Variants in RHAG observed in about 807,000 individuals in gnomAD.
RHAG encodes ammonium transporter Rh type A.
RHAG carries 25 observed loss-of-function variants against 42.4 expected under a neutral mutation model. The observed-to-expected ratio is 0.59, with a 90% CI of 0.43 to 0.82. The LOEUF is 0.82. Ranked by LOEUF, RHAG falls within the 40% of genes least tolerant of loss-of-function variation. RHAG has a pLI of 0.00. For synonymous variants in RHAG, 182 were observed against 177.7 expected (o/e 1.02, Z -0.19); for missense variants, 483 against 504.6 (o/e 0.96, Z 0.41).
intron 5 of RHAG, among the ~76,000 whole-genome samples, chr6:49,613,625 G>C (rs1048844155): frequency 6.6e-6 from 1 of 152,134 alleles, no homozygotes; most frequent in African/African-American, 2.4e-5. Flanking sequence ...AGCTAGAAGG[G>C]TAGACTGGCT....
In RHAG at chr6:49,618,232, A is replaced by G; in HGVS notation, c.342-14T>C. On this transcript the variant is annotated splice_polypyrimidine_tract_variant and intron_variant, in intron 2 of 9. Transcript: ENST00000371175. ...GCATTTATCATGCTGAAGGGAAACAAGAATAAATTGAAGAGTAATGCACAC... is the reference window on the plus strand; with the variant it reads ...GCATTTATCATGCTGAAGGGAAACAGGAATAAATTGAAGAGTAATGCACAC... 1 of 1,614,116 alleles carries G rather than the reference A, an allele frequency of 6.2e-7. No individual in the cohort carries two copies. Among genetic ancestry groups the G allele is most frequent in the Non-Finnish European group, 8.5e-7 (1 of 1,179,988 alleles).
At chr6:49,610,745 C>G (rs1762558502) in intron 7 of RHAG, among the ~76,000 whole-genome samples, 1 of 152,198 alleles carries the variant, frequency 6.6e-6, no homozygotes, top group South Asian at 2.1e-4. Flanking sequence ...TATAATCTGA[C>G]TGTGATTATC....
chr6:49,628,615 GGTGA>G (rs1408087951), intron 1 of RHAG, among the ~76,000 whole-genome samples: 1 of 151,834 alleles, frequency 6.6e-6, no homozygotes, highest in South Asian at 2.1e-4. Flanking sequence ...AGACCTTCGC[GGTGA>G]GTATTACAGC....
intron 7 of RHAG, among the ~76,000 whole-genome samples, chr6:49,609,129 A>G (rs1762525316): frequency 6.6e-6 from 1 of 152,226 alleles, no homozygotes; most frequent in African/African-American, 2.4e-5. Context: ...TTCTGAATAG[A>G]CACATGTAAG....
chr6:49,613,215 G>A (rs1051540785), intron 5 of RHAG, among the ~76,000 whole-genome samples: 2 of 151,914 alleles, frequency 1.3e-5, no homozygotes, highest in Non-Finnish European at 2.9e-5. Flanking sequence ...GATTACAGGT[G>A]CACGCCACCA....
intron 1 of RHAG, among the ~76,000 whole-genome samples, chr6:49,633,156 A>G (rs1365830861): frequency 1.3e-5 from 2 of 152,204 alleles, no homozygotes; most frequent in South Asian, 2.1e-4. Flanking sequence ...TTTACTTAAA[A>G]TGTAGATTAA....
chr6:49,613,180 C>T (rs1271614156), intron 5 of RHAG, among the ~76,000 whole-genome samples: 3 of 151,874 alleles, frequency 2.0e-5, no homozygotes, highest in Non-Finnish European at 4.4e-5. Context: ...AGTGATTCTC[C>T]TGCCTCAGCC....
chr6:49,606,977 T>C, intron 8 of RHAG, 56 bp from the exon 9 acceptor site: 1 of 1,316,434 alleles, frequency 7.6e-7, no homozygotes, highest in Non-Finnish European at 1.1e-6. Context: ...GAAAATCTAC[T>C]TGCATAGTAG....
rs1268283 is a variant in RHAG, at chr6:49,614,494, G to A, written c.807+193C>T. Among the ~76,000 whole-genome samples the A allele has an allele frequency of 5.4e-4, 82 of 152,116 alleles. No individual in the cohort carries two copies. In the South Asian group the frequency reaches 0.016, roughly 29 times the overall value. On this transcript the variant is annotated intron_variant, in intron 5 of 9. Transcript: ENST00000371175. ...TGGGATTACAGGCATTAGCCACTGCGCCCAGCCCAGGGTACAGATTTGATG... is the reference window on the plus strand; with the variant it reads ...TGGGATTACAGGCATTAGCCACTGCACCCAGCCCAGGGTACAGATTTGATG...
At chr6:49,628,101 G>A (rs979139800) in intron 1 of RHAG, among the ~76,000 whole-genome samples, 7 of 150,750 alleles carry the variant, frequency 4.6e-5, no homozygotes, top group South Asian at 2.1e-4. Flanking sequence ...AATGATGTCC[G>A]CTCCATCTCA....
At position 49,614,865 on chromosome 6, in the gene RHAG, CA is replaced by C. The variant is rs1292309081; in HGVS notation, c.641-13del. 6.2e-7 allele frequency: 1 copy of C among 1,613,564 alleles called. No homozygotes were observed. Among genetic ancestry groups the C allele is most frequent in the South Asian group, 1.1e-5 (1 of 91,068 alleles). ...CAGAAAGAGAGTCCCTGTAGTGAAC[CA>C]AAAGAGGGGATATTAGTTCTGAATA... is the stretch of plus-strand genomic sequence containing the variant. On this transcript the variant is annotated splice_polypyrimidine_tract_variant and intron_variant, in intron 4 of 9. Coordinates refer to ENST00000371175, the MANE Select transcript of RHAG (RefSeq NM_000324.3).
intron 3 of RHAG, 42 bp from the exon 4 acceptor site, chr6:49,615,813 G>A (rs2127352349): frequency 1.9e-6 from 3 of 1,596,514 alleles, no homozygotes; most frequent in South Asian, 2.2e-5. Context: ...AGGTGAACCT[G>A]AGACTCATTT....
At chr6:49,617,227 C>G (rs988846405) in intron 3 of RHAG, among the ~76,000 whole-genome samples, 1 of 152,198 alleles carries the variant, frequency 6.6e-6, no homozygotes, top group South Asian at 2.1e-4. Flanking sequence ...TGGAAAACTT[C>G]TAGGTATCTT....
At chr6:49,626,191 C>G (rs905769924) in intron 1 of RHAG, among the ~76,000 whole-genome samples, 6 of 152,168 alleles carry the variant, frequency 3.9e-5, no homozygotes, top group Admixed American at 6.5e-5. Context: ...TAACTCATTA[C>G]AGAATTAACT....
chr6:49,620,112 C>G (rs1762728774), intron 1 of RHAG, among the ~76,000 whole-genome samples: 1 of 152,136 alleles, frequency 6.6e-6, no homozygotes, highest in African/African-American at 2.4e-5. Flanking sequence ...TCTTGAGTAA[C>G]AAATATTCAA....
intron 1 of RHAG, among the ~76,000 whole-genome samples, chr6:49,622,058 G>A (rs973437872): frequency 6.7e-6 from 1 of 150,276 alleles, no homozygotes; most frequent in Non-Finnish European, 1.5e-5. Flanking sequence ...GTTACCAAAT[G>A]ATATGGTTTG....
chr6:49,615,986 C>A (rs1762646846), intron 3 of RHAG, among the ~76,000 whole-genome samples: 1 of 152,162 alleles, frequency 6.6e-6, no homozygotes, highest in African/African-American at 2.4e-5. Flanking sequence ...AATCCTAGGT[C>A]AGTTACTTCC....
intron 7 of RHAG, 54 bp from the exon 8 acceptor site, chr6:49,607,274 A>C: frequency 6.9e-7 from 1 of 1,449,440 alleles, no homozygotes; most frequent in South Asian, 1.2e-5. Flanking sequence ...CAGCCAAAGA[A>C]AGTCTCACTC....
intron 1 of RHAG, among the ~76,000 whole-genome samples, chr6:49,619,707 A>T (rs549375912): frequency 6.6e-6 from 1 of 152,312 alleles, no homozygotes; most frequent in Admixed American, 6.5e-5. Context: ...AGACTTTCCC[A>T]ATACTCTCAG....
Sources: gnomAD v4.1 joint callset for allele counts (sites outside exome capture counted in the v4.1 genomes callset) on GRCh38, gnomAD v4.1.1 for gene constraint, MANE v1.5 for transcripts, NCBI Gene and HGNC (gene_info 2026-07-23, HGNC 2026-07-21) for gene names.